The following NTNG1 variants were observed in gnomAD, a reference collection of about 807,000 sequenced individuals.
The protein encoded by NTNG1 is netrin-G1.
Under a neutral mutation model 54.0 loss-of-function variants are expected in NTNG1, and 16 were observed. The observed-to-expected ratio is 0.30, with a 90% confidence interval of 0.20 to 0.45. NTNG1 has a LOEUF of 0.45. Among genes scored for constraint, NTNG1 ranks in the 20% least tolerant of loss-of-function variants. NTNG1 has a pLI of 1.00. For synonymous variants in NTNG1, 255 were observed against 263.1 expected, an observed-to-expected ratio of 0.97 and a Z score of 0.30; for missense variants, 530 against 678.7, an observed-to-expected ratio of 0.78 and a Z score of 2.43.
chr1:107,246,639 C>A (rs148390387), intron 2 of NTNG1, among the ~76,000 whole-genome samples: 1 of 151,866 alleles, frequency 6.6e-6, no homozygotes, highest in Non-Finnish European at 1.5e-5. Flanking sequence ...ATGTGTTTTA[C>A]CTATGCTTAA....
chr1:107,329,875 A>G (rs2101894217), intron 3 of NTNG1, among the ~76,000 whole-genome samples: 1 of 152,216 alleles, frequency 6.6e-6, no homozygotes, highest in South Asian at 2.1e-4. Context: ...TGATATCCAG[A>G]AGGGACACAG....
At chr1:107,206,806 C>G (rs982710009) in intron 2 of NTNG1, among the ~76,000 whole-genome samples, 20 of 152,068 alleles carry the variant, frequency 1.3e-4, no homozygotes, top group African/African-American at 4.6e-4. Context: ...AGAGACAATT[C>G]TTTTACTCAT....
chr1:107,484,402 G>A lies in NTNG1; in HGVS notation c.*3562G>A, dbSNP rs939860013. 2.6e-5 allele frequency among the ~76,000 whole-genome samples: 4 copies of A among 152,182 alleles called. No individual in the cohort carries two copies. The highest frequency in any genetic ancestry group is 5.9e-5 in the Non-Finnish European group (4 of 68,038). ...GAAAGCATCATGTGTCAAAGTGGCA[G>A]GATGGAAGATAATTTAACAGTTTGT... On this transcript the variant is annotated 3_prime_UTR_variant, in exon 8 of 8. Coordinates refer to ENST00000370068, the MANE Select transcript of NTNG1 (RefSeq NM_001113226.3).
At chr1:107,406,402 C>T (rs1053619316) in intron 4 of NTNG1, among the ~76,000 whole-genome samples, 3 of 152,226 alleles carry the variant, frequency 2.0e-5, no homozygotes, top group East Asian at 1.9e-4. Context: ...GTTTATTGGC[C>T]GCACACCATG....
chr1:107,194,490 T>C (rs971223847), intron 2 of NTNG1, among the ~76,000 whole-genome samples: 16 of 152,182 alleles, frequency 1.1e-4, no homozygotes, highest in African/African-American at 3.9e-4. Context: ...CTTCTTTCTT[T>C]CTCCCTTTCT....
At chr1:107,374,122 A>C (rs1406889971) in intron 3 of NTNG1, among the ~76,000 whole-genome samples, 2 of 152,142 alleles carry the variant, frequency 1.3e-5, no homozygotes, top group African/African-American at 4.8e-5. Flanking sequence ...GATTGTTTTC[A>C]AAAAGAAATC....
chr1:107,321,015 C>T (rs1020531306), intron 2 of NTNG1, among the ~76,000 whole-genome samples: 6 of 152,052 alleles, frequency 3.9e-5, no homozygotes, highest in Admixed American at 1.3e-4. Flanking sequence ...TGATCATCTC[C>T]GGTGTAAATT....
At chr1:107,272,235 A>G (rs1035772146) in intron 2 of NTNG1, among the ~76,000 whole-genome samples, 1 of 152,158 alleles carries the variant, frequency 6.6e-6, no homozygotes, top group African/African-American at 2.4e-5. Flanking sequence ...TAATATTCTT[A>G]AAGGGTCTAA....
At chr1:107,343,922 C>G (rs1194338603) in intron 3 of NTNG1, among the ~76,000 whole-genome samples, 2 of 151,996 alleles carry the variant, frequency 1.3e-5, no homozygotes, top group Non-Finnish European at 2.9e-5. Flanking sequence ...GAGAGACTGG[C>G]ACAATAATCA....
chr1:107,276,959 G>C (rs1664519387), intron 2 of NTNG1, among the ~76,000 whole-genome samples: 1 of 152,038 alleles, frequency 6.6e-6, no homozygotes, highest in African/African-American at 2.4e-5. Flanking sequence ...TTATTGGGGA[G>C]AACTGCTGTG....
rs537734968 is a variant in NTNG1 at position 107,236,688 on chromosome 1, C to T, written c.247-87594C>T. ...GACTCATGTGGGCAGGTCTTTCCTG[C>T]ACTCTTCTCATGATAGTGAATGAGT... On this transcript the variant is annotated intron_variant, in intron 2 of 7. Transcript: ENST00000370068. 2.6e-5 allele frequency among the ~76,000 whole-genome samples: 4 copies of T among 152,242 alleles called. No individual in the cohort carries two copies. In the South Asian group the frequency reaches 8.3e-4, roughly 32 times the overall value.
At chr1:107,360,456 G>C (rs755579644) in intron 3 of NTNG1, among the ~76,000 whole-genome samples, 1 of 152,110 alleles carries the variant, frequency 6.6e-6, no homozygotes, top group Non-Finnish European at 1.5e-5. Context: ...GAATACTCAA[G>C]GTGGAAAGTG....
intron 7 of NTNG1, among the ~76,000 whole-genome samples, chr1:107,467,555 C>T (rs1175477881): frequency 2.0e-5 from 3 of 152,152 alleles, no homozygotes; most frequent in Non-Finnish European, 2.9e-5. Flanking sequence ...CTCAGAAATC[C>T]AGATTGCAGA....
chr1:107,287,081 A>G (rs1181099048), intron 2 of NTNG1, among the ~76,000 whole-genome samples: 1 of 152,102 alleles, frequency 6.6e-6, no homozygotes, highest in Non-Finnish European at 1.5e-5. Flanking sequence ...TTTCTTTCAT[A>G]TGTAGTATAC....
chr1:107,359,008 C>A (rs1433544808), intron 3 of NTNG1, among the ~76,000 whole-genome samples: 1 of 152,132 alleles, frequency 6.6e-6, no homozygotes, highest in African/African-American at 2.4e-5. Context: ...AAAATGCGGA[C>A]GTCTCTATCA....
At chr1:107,293,651 A>T (rs2101773819) in intron 2 of NTNG1, among the ~76,000 whole-genome samples, 1 of 152,318 alleles carries the variant, frequency 6.6e-6, no homozygotes, top group East Asian at 1.9e-4. Context: ...TAATTTCTTA[A>T]TATATAAAGT....
intron 2 of NTNG1, among the ~76,000 whole-genome samples, chr1:107,283,215 C>T (rs76841468): frequency 0.02 from 3,111 of 152,270 alleles, 105 homozygotes; most frequent in African/African-American, 0.068. Flanking sequence ...ATTTCTACCA[C>T]TCAGTTGATG....
At chr1:107,477,411 C>T (rs959390757) in intron 7 of NTNG1, among the ~76,000 whole-genome samples, 1 of 152,230 alleles carries the variant, frequency 6.6e-6, no homozygotes. Flanking sequence ...ATGCCTCCTA[C>T]TTTCTCTGCT....
intron 2 of NTNG1, among the ~76,000 whole-genome samples, chr1:107,215,755 T>C (rs1659910049): frequency 6.6e-6 from 1 of 152,176 alleles, no homozygotes; most frequent in African/African-American, 2.4e-5. Context: ...CAATATTGAT[T>C]GTACCCATCG....
Sources: allele counts gnomAD v4.1 joint callset (sites outside exome capture counted in the v4.1 genomes callset), GRCh38; gene constraint gnomAD v4.1.1; transcripts MANE v1.5; gene names NCBI Gene and HGNC (gene_info 2026-07-23, HGNC 2026-07-21).